Variants in PROB1 observed in about 807,000 individuals in gnomAD.
PROB1 encodes the protein proline rich basic protein 1.
For synonymous variants in PROB1, 660 were observed against 699.3 expected (o/e 0.94, Z 0.89); for missense variants, 1,453 against 1,485.7 (o/e 0.98, Z 0.36).
At position 139,394,520 on chromosome 5, in the gene PROB1, A is replaced by G. The variant is rs1758660156; in HGVS notation, c.562T>C (p.Cys188Arg). 1 of 1,460,264 alleles carries G rather than the reference A, an allele frequency of 6.8e-7. No homozygotes were observed. 90.5% of individuals were successfully genotyped at this position (1,460,264 alleles called of 1,614,324 possible). A position where few individuals can be genotyped will look rare whatever the true frequency, so the allele number is the denominator to read the frequency against. The change falls in exon 1 of 1, where the codon TGT becomes CGT. Residue 188 changes from cysteine (C) to arginine (R), a missense_variant. Transcript: ENST00000434752. Reference sequence around the variant, plus strand: ...CCCTCCTCCAGAGCCACCTCCACACACTCGAACTGCGCTGGGGCGGCAGGA... The same window carrying G: ...CCCTCCTCCAGAGCCACCTCCACACGCTCGAACTGCGCTGGGGCGGCAGGA... ...PSPAAPAQFE[C>R]VEVALEEGAA...
chr5:139,393,750 G>A lies in PROB1; in HGVS notation c.1332C>T (p.Val444=), dbSNP rs1351607427. 6.4e-7 allele frequency: 1 copy of A among 1,551,388 alleles called. No individual in the cohort carries two copies. Among genetic ancestry groups the A allele is most frequent in the South Asian group, 1.2e-5 (1 of 84,058 alleles). Residue 444 remains valine (V), a synonymous_variant, in exon 1 of 1, where the codon GTC becomes GTT. Coordinates refer to ENST00000434752, the MANE Select transcript of PROB1 (RefSeq NM_001161546.2). ...SSEWENQNPA[V]EETVSRRSPS... The stretch of plus-strand genomic sequence containing the variant: ...GGCTTCTCCTGCTGACAGTTTCCTC[G>A]ACGGCAGGATTTTGATTTTCCCACT...
In PROB1 at chr5:139,394,454, T is replaced by G; in HGVS notation, c.628A>C (p.Ile210Leu). The change falls in exon 1 of 1, where the codon ATC becomes CTC. Residue 210 changes from isoleucine (I) to leucine (L), a missense_variant. Ile to Leu is a conservative substitution (Grantham distance 5). Transcript: ENST00000434752. ...CTCTGGGGCCGGGGGCGCAGCTCGATCTGACGCTTGGGCACTGTCCGGGGC... is the reference window on the plus strand; with the variant it reads ...CTCTGGGGCCGGGGGCGCAGCTCGAGCTGACGCTTGGGCACTGTCCGGGGC... Reference protein sequence around the residue: ...ARPRTVPKRQIELRPRPQSPP... With the variant: ...ARPRTVPKRQLELRPRPQSPP... The G allele has an allele frequency of 3.6e-6, 5 of 1,398,948 alleles. No individual in the cohort carries two copies. Among genetic ancestry groups the G allele is most frequent in the Non-Finnish European group, 4.6e-6 (5 of 1,085,308 alleles). The allele number at this position is 1,398,948 out of a possible 1,614,324, so 86.7% of individuals were successfully genotyped here. A position where few individuals can be genotyped will look rare whatever the true frequency, so the allele number is the denominator to read the frequency against.
In PROB1 at chr5:139,391,938, G is replaced by C; in HGVS notation, c.*96C>G. On this transcript the variant is annotated 3_prime_UTR_variant, in exon 1 of 1. Coordinates refer to ENST00000434752, the MANE Select transcript of PROB1 (RefSeq NM_001161546.2). The surrounding 1 kb of genome is among the most constrained non-coding windows in gnomAD (Gnocchi z 4.8). ...CGACGACTGACTGGGATGGGTTAAAGACAGAGGCGACGGAAGGAGAGGAGG... is the reference window on the plus strand; with the variant it reads ...CGACGACTGACTGGGATGGGTTAAACACAGAGGCGACGGAAGGAGAGGAGG... 1 of 1,033,746 alleles carries C rather than the reference G, an allele frequency of 9.7e-7. No homozygotes were observed. Among genetic ancestry groups the C allele is most frequent in the Non-Finnish European group, 1.3e-6 (1 of 786,782 alleles). The allele number at this position is 1,033,746 out of a possible 1,614,324, so 64.0% of individuals were successfully genotyped here.
rs1433784755 is a variant in PROB1 at position 139,394,076 on chromosome 5, C to A, written c.1006G>T (p.Gly336Cys). ...DKPAPGTEPLGPVSSSIFLQS... is the reference protein window; with the variant it reads ...DKPAPGTEPLCPVSSSIFLQS... ...AGGAAGATGCTGGAACTAACAGGAC[C>A]CAGCGGCTCCGTCCCGGGCGCAGGC... Residue 336 changes from glycine to cysteine, a missense_variant, in exon 1 of 1, where the codon GGT (glycine) becomes TGT (cysteine). Transcript: ENST00000434752. 1.9e-6 allele frequency: 3 copies of A among 1,550,878 alleles called. No homozygotes were observed. The highest frequency in any genetic ancestry group is 2.7e-5 in the African/African-American group (2 of 73,184).
rs879164638 is a variant in PROB1 at position 139,393,898 on chromosome 5, G to A, written c.1184C>T (p.Pro395Leu). 13 of 1,551,044 alleles carry A rather than the reference G, an allele frequency of 8.4e-6. No homozygotes were observed. The South Asian group carries it at 1.2e-4, about 14-fold the overall frequency. Reference sequence around the variant, plus strand: ...AGCCCCATTTGGAGTCTGCCGTGGCGGGGACGGGCTCCTTGGCCTCACAGC... The same window carrying A: ...AGCCCCATTTGGAGTCTGCCGTGGCAGGGACGGGCTCCTTGGCCTCACAGC... ...SRAVRPRSPS[P>L]PRQTPNGAVR... Residue 395 changes from proline to leucine, a missense_variant, in exon 1 of 1, where the codon CCG becomes CTG. By Grantham distance (98) the Pro-to-Leu change is moderately conservative. Transcript: ENST00000434752.
rs1233075095 is a variant in PROB1 at position 139,392,859 on chromosome 5, C to A, written c.2223G>T (p.Leu741Phe). 1 of 1,542,878 alleles carries A rather than the reference C, an allele frequency of 6.5e-7. No individual in the cohort carries two copies. Residue 741 changes from leucine (L) to phenylalanine (F), a missense_variant, in exon 1 of 1, where the codon TTG becomes TTT. Physicochemically the swap from Leu to Phe is conservative, Grantham distance 22. Transcript: ENST00000434752. This position sits in a 1 kb window ranked among gnomAD's most constrained non-coding sequence, Gnocchi z 5.8. The stretch of plus-strand genomic sequence containing the variant: ...GCGAGGTTACCTCGGGCCGGCGACC[C>A]AAGGCCAGGGCCCCAGGCAGGCGGA... ...TEIRLPGALALGRRPEVTSRV... is the reference protein window; with the variant it reads ...TEIRLPGALAFGRRPEVTSRV...
At position 139,394,091 on chromosome 5, in the gene PROB1, C is replaced by T; in HGVS notation, c.991G>A (p.Gly331Arg). 3.2e-6 allele frequency: 5 copies of T among 1,550,464 alleles called. No individual in the cohort carries two copies. The highest frequency in any genetic ancestry group is 4.4e-6 in the Non-Finnish European group (5 of 1,146,628). Residue 331 changes from glycine (G) to arginine (R), a missense_variant, in exon 1 of 1, where the codon GGG becomes AGG. Transcript: ENST00000434752. ...RAIRRDKPAP[G>R]TEPLGPVSSS... ...CTAACAGGACCCAGCGGCTCCGTCCCGGGCGCAGGCTTGTCGCGCCGAATC... is the reference window on the plus strand; with the variant it reads ...CTAACAGGACCCAGCGGCTCCGTCCTGGGCGCAGGCTTGTCGCGCCGAATC...
rs1758612627 is a variant in PROB1, at chr5:139,392,396, C to T, written c.2686G>A (p.Ala896Thr). ...PESGRYYFVE[A>T]PRQPRLRVLF... ...ACCCGCAGCCGAGGCTGCCGCGGCGCCTCCACAAAGTAGTAGCGGCCGCTC... is the reference window on the plus strand; with the variant it reads ...ACCCGCAGCCGAGGCTGCCGCGGCGTCTCCACAAAGTAGTAGCGGCCGCTC... Residue 896 changes from alanine (A) to threonine (T), a missense_variant, in exon 1 of 1, where the codon GCG becomes ACG. Transcript: ENST00000434752. The surrounding 1 kb of genome is among the most constrained non-coding windows in gnomAD (Gnocchi z 5.8). 6 of 1,520,640 alleles carry T rather than the reference C, an allele frequency of 3.9e-6. No individual in the cohort carries two copies. The Middle Eastern group carries it at 5.1e-4, about 129-fold the overall frequency. The allele number at this position is 1,520,640 out of a possible 1,614,324, so 94.2% of individuals were successfully genotyped here. A position where few individuals can be genotyped will look rare whatever the true frequency, so the allele number is the denominator to read the frequency against.
rs780987978 is a variant in PROB1 at position 139,393,669 on chromosome 5, C to T, written c.1413G>A (p.Pro471=). The change falls in exon 1 of 1, where the codon CCG becomes CCA. Residue 471 remains proline (P), a synonymous_variant. Coordinates refer to ENST00000434752, the MANE Select transcript of PROB1 (RefSeq NM_001161546.2). ...WNQCVAGERS[P]SLEAPSLWEI... is the part of the protein sequence containing the mutation. ...CCCACAGGGAAGGGGCTTCGAGGGA[C>T]GGGCTCCTTTCCCCAGCAACACACT... The T allele has an allele frequency of 1.3e-6, 2 of 1,550,778 alleles. No homozygotes were observed. The highest frequency in any genetic ancestry group is 1.4e-5 in the African/African-American group (1 of 73,022).
In PROB1 at chr5:139,392,439, C is replaced by A. The variant is rs1758613642; in HGVS notation, c.2643G>T (p.Lys881Asn). Residue 881 changes from lysine to asparagine, a missense_variant, in exon 1 of 1, where the codon AAG becomes AAT. Physicochemically the swap from Lys to Asn is moderately conservative, Grantham distance 94 (BLOSUM62 0). Transcript: ENST00000434752. This position sits in a 1 kb window ranked among gnomAD's most constrained non-coding sequence, Gnocchi z 5.8. Reference sequence around the variant, plus strand: ...GGCCGCTCTCGGGGTCCACCAAGACCTTCCCCAGGGGCGCGGCCCCGGGCT... The same window carrying A: ...GGCCGCTCTCGGGGTCCACCAAGACATTCCCCAGGGGCGCGGCCCCGGGCT... ...RRQPGAAPLGKVLVDPESGRY... is the reference protein window; with the variant it reads ...RRQPGAAPLGNVLVDPESGRY... 2.1e-6 allele frequency: 3 copies of A among 1,456,400 alleles called. No homozygotes were observed. The African/African-American group carries it at 4.4e-5, about 21-fold the overall frequency. 90.2% of individuals were successfully genotyped at this position (1,456,400 alleles called of 1,614,324 possible). A position where few individuals can be genotyped will look rare whatever the true frequency, so the allele number is the denominator to read the frequency against.
Position 139,392,210 on chromosome 5 carries a change from G to A in PROB1, c.2872C>T (p.Pro958Ser). The A allele has an allele frequency of 2.1e-6, 3 of 1,432,658 alleles. No homozygotes were observed. Among genetic ancestry groups the A allele is most frequent in the African/African-American group, 1.5e-5 (1 of 67,794 alleles). 88.7% of individuals were successfully genotyped at this position (1,432,658 alleles called of 1,614,324 possible). The change falls in exon 1 of 1, where the codon CCG becomes TCG. Residue 958 changes from proline (P) to serine (S), a missense_variant. Transcript: ENST00000434752. This position sits in a 1 kb window ranked among gnomAD's most constrained non-coding sequence, Gnocchi z 5.8. Reference protein sequence around the residue: ...PSLSLPPSPGPQALGSPQLPW... With the variant: ...PSLSLPPSPGSQALGSPQLPW... ...AGCTGGGGGCTGCCGAGGGCCTGCG[G>A]GCCCGGGGACGGTGGCAGAGAGAGG...
Position 139,394,960 on chromosome 5 carries a change from G to A in PROB1, c.122C>T (p.Pro41Leu). 1 of 1,521,670 alleles carries A rather than the reference G, an allele frequency of 6.6e-7. No homozygotes were observed. Among genetic ancestry groups the A allele is most frequent in the African/African-American group, 1.4e-5 (1 of 69,260 alleles). 94.3% of individuals were successfully genotyped at this position (1,521,670 alleles called of 1,614,324 possible). A position where few individuals can be genotyped will look rare whatever the true frequency, so the allele number is the denominator to read the frequency against. ...SGSYYTAPGSPEPPDVGPDAK... is the reference protein window; with the variant it reads ...SGSYYTAPGSLEPPDVGPDAK... ...GTCCGGCCCAACGTCCGGGGGCTCC[G>A]GAGAACCTGGAGCCGTGTAGTAGGA... is the stretch of plus-strand genomic sequence containing the variant. Residue 41 changes from proline to leucine, a missense_variant, in exon 1 of 1, where the codon CCG (proline) becomes CTG (leucine). Coordinates refer to ENST00000434752, the MANE Select transcript of PROB1 (RefSeq NM_001161546.2).
Position 139,393,906 on chromosome 5 carries a change from G to A in PROB1, c.1176C>T (p.Ser392=), listed in dbSNP as rs1186540155. 4 of 1,551,054 alleles carry A rather than the reference G, an allele frequency of 2.6e-6. No individual in the cohort carries two copies. Among genetic ancestry groups the A allele is most frequent in the South Asian group, 2.4e-5 (2 of 84,068 alleles). ...TTGGAGTCTGCCGTGGCGGGGACGG[G>A]CTCCTTGGCCTCACAGCCCTACTCG... is the stretch of plus-strand genomic sequence containing the variant. The part of the protein sequence containing the change: ...EVPSRAVRPR[S]PSPPRQTPNG... Residue 392 remains serine (S), a synonymous_variant, in exon 1 of 1, where the codon AGC becomes AGT. Coordinates refer to ENST00000434752, the MANE Select transcript of PROB1 (RefSeq NM_001161546.2).
At position 139,393,180 on chromosome 5, in the gene PROB1, C is replaced by T; in HGVS notation, c.1902G>A (p.Thr634=). Residue 634 remains threonine (T), a synonymous_variant, in exon 1 of 1, where the codon ACG becomes ACA. Coordinates refer to ENST00000434752, the MANE Select transcript of PROB1 (RefSeq NM_001161546.2). The part of the protein sequence containing the change: ...PRDVRKLVKT[T]YAPGFPAGAQ... ...CTCCTGCCGGGAAGCCTGGCGCGTA[C>T]GTGGTCTTCACCAACTTGCGCACGT... 1.3e-6 allele frequency: 2 copies of T among 1,549,424 alleles called. No individual in the cohort carries two copies. The highest frequency in any genetic ancestry group is 2.4e-5 in the South Asian group (2 of 83,970).
Position 139,393,923 on chromosome 5 carries a change from C to T in PROB1, c.1159G>A (p.Ala387Thr), listed in dbSNP as rs1050025194. The T allele has an allele frequency of 3.9e-6, 6 of 1,550,866 alleles. No individual in the cohort carries two copies. The highest frequency in any genetic ancestry group is 3.9e-5 in the Admixed American group (2 of 50,992). The change falls in exon 1 of 1, where the codon GCT becomes ACT. Residue 387 changes from alanine to threonine, a missense_variant. Ala to Thr is a moderately conservative substitution (Grantham distance 58). Coordinates refer to ENST00000434752, the MANE Select transcript of PROB1 (RefSeq NM_001161546.2). ...GGGGACGGGCTCCTTGGCCTCACAG[C>T]CCTACTCGGAACCTCCGAGGGGATC... Reference protein sequence around the residue: ...CRIPSEVPSRAVRPRSPSPPR... With the variant: ...CRIPSEVPSRTVRPRSPSPPR...
At position 139,394,568 on chromosome 5, in the gene PROB1, C is replaced by G; in HGVS notation, c.514G>C (p.Glu172Gln). The change falls in exon 1 of 1, where the codon GAG becomes CAG. Residue 172 changes from glutamate (E) to glutamine (Q), a missense_variant. Coordinates refer to ENST00000434752, the MANE Select transcript of PROB1 (RefSeq NM_001161546.2). ...DGGSRWATYL[E>Q]LRPRGPSPAA... is the part of the protein sequence containing the mutation. ...GGACTTGGCCCACGGGGCCGCAGCT[C>G]TAGGTAGGTGGCCCAGCGGGAGCCA... The G allele has an allele frequency of 1.3e-6, 2 of 1,523,928 alleles. No individual in the cohort carries two copies. Among genetic ancestry groups the G allele is most frequent in the Non-Finnish European group, 1.8e-6 (2 of 1,140,952 alleles). 94.4% of individuals were successfully genotyped at this position (1,523,928 alleles called of 1,614,324 possible). A position where few individuals can be genotyped will look rare whatever the true frequency, so the allele number is the denominator to read the frequency against.
Position 139,394,288 on chromosome 5 carries a change from G to A in PROB1, c.794C>T (p.Ala265Val). 1.3e-6 allele frequency: 2 copies of A among 1,530,084 alleles called. No individual in the cohort carries two copies. The highest frequency in any genetic ancestry group is 8.8e-7 in the Non-Finnish European group (1 of 1,138,064). The allele number at this position is 1,530,084 out of a possible 1,614,324, so 94.8% of individuals were successfully genotyped here. A position where few individuals can be genotyped will look rare whatever the true frequency, so the allele number is the denominator to read the frequency against. The change falls in exon 1 of 1, where the codon GCC becomes GTC. Residue 265 changes from alanine to valine, a missense_variant. Physicochemically the swap from Ala to Val is moderately conservative, Grantham distance 64 (BLOSUM62 0). Coordinates refer to ENST00000434752, the MANE Select transcript of PROB1 (RefSeq NM_001161546.2). ...LARKLSPEAP[A>V]PSSATFGSTG... is the part of the protein sequence containing the mutation. The stretch of plus-strand genomic sequence containing the variant: ...GGACCCGAAGGTGGCGCTGCTCGGG[G>A]CCGGGGCCTCGGGGCTCAGTTTTCT...
At position 139,393,569 on chromosome 5, in the gene PROB1, C is replaced by T; in HGVS notation, c.1513G>A (p.Glu505Lys). 1.3e-6 allele frequency: 2 copies of T among 1,551,168 alleles called. No homozygotes were observed. Among genetic ancestry groups the T allele is most frequent in the East Asian group, 4.9e-5 (2 of 40,918 alleles). Residue 505 changes from glutamate to lysine, a missense_variant, in exon 1 of 1, where the codon GAG becomes AAG. By Grantham distance (56) the Glu-to-Lys change is moderately conservative. Transcript: ENST00000434752. ...GTTCCAATAGGACGATCTGGAGCCT[C>T]CCACGGGAAGAAGGCCGGCGGGGAC... ...SPSPPAFFPW[E>K]APDRPIGTWG...
Position 139,393,018 on chromosome 5 carries a change from T to G in PROB1, c.2064A>C (p.Leu688=), listed in dbSNP as rs1385327897. 6.6e-7 allele frequency: 1 copy of G among 1,522,294 alleles called. No homozygotes were observed. Among genetic ancestry groups the G allele is most frequent in the African/African-American group, 1.4e-5 (1 of 71,924 alleles). 94.3% of individuals were successfully genotyped at this position (1,522,294 alleles called of 1,614,324 possible). Residue 688 remains leucine (L), a synonymous_variant, in exon 1 of 1, where the codon CTA becomes CTC. Transcript: ENST00000434752. Reference sequence around the variant, plus strand: ...GCTCGTAGGGGTGCGGCACCACCGGTAGAAAATCCTTGATGAAAACGGAAG... The same window carrying G: ...GCTCGTAGGGGTGCGGCACCACCGGGAGAAAATCCTTGATGAAAACGGAAG... ...HYTSVFIKDF[L]PVVPHPYEPP... is the part of the protein sequence containing the mutation.
Sources: gnomAD v4.1 joint callset for allele counts on GRCh38, gnomAD v4.1.1 for gene constraint, Gnocchi (gnomAD v3.1) non-coding constraint, MANE v1.5 for transcripts, NCBI Gene and HGNC (gene_info 2026-07-23, HGNC 2026-07-21) for gene names.